Variants in TLK2 observed in about 807,000 individuals in gnomAD.
The protein encoded by TLK2 is tousled like kinase 2.
In TLK2, 6 loss-of-function variants were observed where a neutral mutation model predicts 117.3. The observed-to-expected ratio is 0.05, with a 90% CI of 0.03 to 0.10. The LOEUF is 0.10. Among genes scored for constraint, TLK2 ranks in the 10% least tolerant of loss-of-function variants. TLK2 has a pLI of 1.00. For missense variants in TLK2, 299 were observed against 901.2 expected (o/e 0.33, Z 8.56); for synonymous variants, 257 against 316.7 (o/e 0.81, Z 2.00).
At chr17:62,610,137 C>A (rs2083625259) in intron 21 of TLK2, among the ~76,000 whole-genome samples, 1 of 152,174 alleles carries the variant, frequency 6.6e-6, no homozygotes. Context: ...TAACTTTTGT[C>A]AAATTTTCAT....
intron 20 of TLK2, 82 bp from the exon 21 acceptor site, chr17:62,607,959 T>C (rs1158450464): frequency 9.4e-6 from 11 of 1,173,782 alleles, no homozygotes; most frequent in Non-Finnish European, 1.3e-5. Context: ...TGTCTTATCC[T>C]TTTCCTTCCC....
At chr17:62,496,329 G>C (rs917336912) in intron 2 of TLK2, among the ~76,000 whole-genome samples, 7 of 151,818 alleles carry the variant, frequency 4.6e-5, no homozygotes, top group Admixed American at 2.0e-4. Flanking sequence ...ACACTTAGAT[G>C]GACAGCAGTG....
rs1273773688 is a variant in TLK2 at position 62,479,300 on chromosome 17, T to C, written c.-6+10T>C. 1 of 163,888 alleles carries C rather than the reference T, an allele frequency of 6.1e-6. No individual in the cohort carries two copies. Among genetic ancestry groups the C allele is most frequent in the Non-Finnish European group, 1.3e-5 (1 of 77,430 alleles). 10.2% of individuals were successfully genotyped at this position (163,888 alleles called of 1,614,324 possible). On this transcript the variant is annotated intron_variant, in intron 1 of 21. Coordinates refer to ENST00000346027, the MANE Select transcript of TLK2 (RefSeq NM_006852.6). ...GCGGCGGCGGCGGCAGGTGAGAGGC[T>C]GAGCCCCGGGCGGGGGAGGACTCCA...
At chr17:62,544,652 A>T (rs1567888002) in intron 7 of TLK2, among the ~76,000 whole-genome samples, 1 of 152,348 alleles carries the variant, frequency 6.6e-6, no homozygotes, top group Non-Finnish European at 1.5e-5. Flanking sequence ...AAGCCTTCCA[A>T]CTTTGTTGGG....
At chr17:62,602,328 T>A in intron 19 of TLK2, 148 bp downstream of exon 19, 1 of 692,024 alleles carries the variant, frequency 1.4e-6, no homozygotes. Flanking sequence ...CATTACTGTC[T>A]TTTCAACAGT....
intron 2 of TLK2, among the ~76,000 whole-genome samples, chr17:62,517,426 G>A (rs139517418): frequency 1.8e-4 from 27 of 151,534 alleles, no homozygotes; most frequent in African/African-American, 6.1e-4. Flanking sequence ...ACGGAGTCTC[G>A]CTCTGTTGCC....
At chr17:62,521,923 C>CT (rs2076074463) in intron 3 of TLK2, among the ~76,000 whole-genome samples, 1 of 152,150 alleles carries the variant, frequency 6.6e-6, no homozygotes, top group South Asian at 2.1e-4. Context: ...CATTTGTGCT[C>CT]TATTAAATAT....
intron 14 of TLK2, among the ~76,000 whole-genome samples, chr17:62,579,084 G>T (rs2081026835): frequency 6.6e-6 from 1 of 152,080 alleles, no homozygotes; most frequent in African/African-American, 2.4e-5. Flanking sequence ...AGTAGAAAGG[G>T]GTTTTTATAA....
At chr17:62,488,235 A>G (rs1056811373) in intron 2 of TLK2, among the ~76,000 whole-genome samples, 4 of 152,202 alleles carry the variant, frequency 2.6e-5, no homozygotes, top group Non-Finnish European at 5.9e-5. Context: ...TGCCCGGGCC[A>G]AGGAACTCTT....
rs544734898 is a variant in TLK2 at position 62,605,038 on chromosome 17, C to G, written c.1860-1092C>G. On this transcript the variant is annotated intron_variant, in intron 19 of 21. Transcript: ENST00000346027. Reference sequence around the variant, plus strand: ...ATTTAAGTTATGTATATTAAAAAATCAAGAACTGGCCAGGTGCAGTGGCTC... The same window carrying G: ...ATTTAAGTTATGTATATTAAAAAATGAAGAACTGGCCAGGTGCAGTGGCTC... Among the ~76,000 whole-genome samples the G allele has an allele frequency of 2.3e-3, 344 of 150,392 alleles. 4 individuals are homozygous for G. Among genetic ancestry groups the G allele is most frequent in the Non-Finnish European group, 2.5e-4 (17 of 67,512 alleles).
chr17:62,583,747 T>G (rs2081385230), intron 15 of TLK2, among the ~76,000 whole-genome samples: 1 of 151,782 alleles, frequency 6.6e-6, no homozygotes, highest in Non-Finnish European at 1.5e-5. Context: ...CCGGATAATT[T>G]TTGTATTTTT....
intron 16 of TLK2, among the ~76,000 whole-genome samples, chr17:62,595,385 TATC>T (rs932475653): frequency 2.0e-5 from 3 of 151,864 alleles, no homozygotes; most frequent in Non-Finnish European, 2.9e-5. Flanking sequence ...ATTCATTTAT[TATC>T]ATTATCAAGT....
chr17:62,565,435 A>G (rs1567932552), intron 11 of TLK2, among the ~76,000 whole-genome samples: 1 of 152,006 alleles, frequency 6.6e-6, no homozygotes, highest in Non-Finnish European at 1.5e-5. Flanking sequence ...CGGGTGGATC[A>G]TGAGGTCAGG....
intron 2 of TLK2, among the ~76,000 whole-genome samples, chr17:62,503,036 TC>T (rs2074337752): frequency 1.3e-5 from 2 of 151,514 alleles, no homozygotes; most frequent in Admixed American, 1.3e-4. Flanking sequence ...GACCTCAGTT[TC>T]CGGCTTTGGC....
chr17:62,532,291 C>T (rs555478654), intron 6 of TLK2, among the ~76,000 whole-genome samples: 36 of 152,150 alleles, frequency 2.4e-4, no homozygotes, highest in African/African-American at 8.7e-4. Context: ...AGTGTATTTA[C>T]AGAAATGTTT....
chr17:62,532,021 GC>G (rs2076774108), intron 6 of TLK2, among the ~76,000 whole-genome samples: 1 of 152,122 alleles, frequency 6.6e-6, no homozygotes, highest in African/African-American at 2.4e-5. Context: ...ATACCATGTT[GC>G]CCTGAAAATG....
At chr17:62,604,397 A>G (rs897173319) in intron 19 of TLK2, among the ~76,000 whole-genome samples, 1 of 96,350 alleles carries the variant, frequency 1.0e-5, no homozygotes, top group African/African-American at 4.2e-5. Flanking sequence ...GGAATATGCA[A>G]CTATATACAT....
At chr17:62,517,746 G>A (rs1468461325) in intron 2 of TLK2, among the ~76,000 whole-genome samples, 1 of 151,932 alleles carries the variant, frequency 6.6e-6, no homozygotes, top group Non-Finnish European at 1.5e-5. Context: ...TGCCCAGGCC[G>A]GAATACAGTG....
At chr17:62,577,781 C>A (rs938305645) in intron 13 of TLK2, among the ~76,000 whole-genome samples, 3 of 152,132 alleles carry the variant, frequency 2.0e-5, no homozygotes, top group African/African-American at 7.2e-5. Flanking sequence ...GATGGTGGCT[C>A]ACACCTGTAA....
Sources: gnomAD v4.1 joint callset for allele counts (sites outside exome capture counted in the v4.1 genomes callset) on GRCh38, gnomAD v4.1.1 for gene constraint, MANE v1.5 for transcripts, NCBI Gene and HGNC (gene_info 2026-07-23, HGNC 2026-07-21) for gene names.